Variants in AFAP1L1 observed in about 807,000 individuals in gnomAD.
AFAP1L1 encodes actin filament-associated protein 1-like 1.
A neutral mutation model predicts 99.8 loss-of-function variants in AFAP1L1; 77 were observed. That is an observed-to-expected ratio of 0.77 (90% CI 0.64 to 0.93). The LOEUF (loss-of-function observed/expected upper bound fraction) is 0.93. Ranked by LOEUF, AFAP1L1 falls within the 40% of genes least tolerant of loss-of-function variation. AFAP1L1 has a pLI of 0.00. For synonymous variants in AFAP1L1, 373 were observed against 395.3 expected, an observed-to-expected ratio of 0.94 and a Z score of 0.67; for missense variants, 893 against 996.8, an observed-to-expected ratio of 0.90 and a Z score of 1.40.
At position 149,307,482 on chromosome 5, in the gene AFAP1L1, C is replaced by A; in HGVS notation, c.616C>A (p.His206Asn). The change falls in exon 7 of 19, where the codon CAC becomes AAC. Residue 206 changes from histidine to asparagine, a missense_variant. Coordinates refer to ENST00000296721, the MANE Select transcript of AFAP1L1 (RefSeq NM_152406.4). ...EEEGKSPQPR[H>N]QWPSEEASMH... ...GGAAGGGAAGAGCCCGCAGCCCCGA[C>A]ACCAGTGGCCCTCAGAGGAGGCCTC... 1.2e-6 allele frequency: 2 copies of A among 1,614,178 alleles called. No homozygotes were observed. The highest frequency in any genetic ancestry group is 3.3e-5 in the Admixed American group (2 of 60,026).
intron 1 of AFAP1L1, among the ~76,000 whole-genome samples, chr5:149,285,969 AAGTC>A (rs949404065): frequency 5.9e-5 from 9 of 152,112 alleles, no homozygotes; most frequent in African/African-American, 2.2e-4. Context: ...GGCAGATACT[AAGTC>A]AGGCATCATC....
chr5:149,301,440 A>C (rs891907906), intron 4 of AFAP1L1, among the ~76,000 whole-genome samples: 2 of 151,524 alleles, frequency 1.3e-5, no homozygotes, highest in Non-Finnish European at 2.9e-5. Flanking sequence ...ATTTATTTTT[A>C]TTTTTATTCT....
intron 4 of AFAP1L1, among the ~76,000 whole-genome samples, chr5:149,302,086 G>A (rs1206563551): frequency 1.3e-5 from 2 of 152,314 alleles, no homozygotes; most frequent in African/African-American, 2.4e-5. Context: ...ACTGCACCTC[G>A]TGTGTGTGTA....
chr5:149,318,070 T>G, intron 12 of AFAP1L1, 130 bp downstream of exon 12: 1 of 1,062,228 alleles, frequency 9.4e-7, no homozygotes, highest in Non-Finnish European at 1.3e-6. Context: ...CAAGCCTCAC[T>G]CCTGTCAGGT....
chr5:149,322,729 G>A lies in AFAP1L1; in HGVS notation c.1810+12G>A. ...ACGCCACGCCTCCAGTGAGTTGTGT[G>A]TGGGCCTCCCCTGCTGACTAGGGAG... is the stretch of plus-strand genomic sequence containing the variant. On this transcript the variant is annotated intron_variant, in intron 15 of 18. Coordinates refer to ENST00000296721, the MANE Select transcript of AFAP1L1 (RefSeq NM_152406.4). 1 of 1,566,730 alleles carries A rather than the reference G, an allele frequency of 6.4e-7. No individual in the cohort carries two copies. Among genetic ancestry groups the A allele is most frequent in the Non-Finnish European group, 8.7e-7 (1 of 1,153,710 alleles).
In AFAP1L1 at chr5:149,319,570, C is replaced by T. The variant is rs749556799; in HGVS notation, c.1480-12C>T. The T allele has an allele frequency of 2.5e-5, 40 of 1,590,858 alleles. No homozygotes were observed. Among genetic ancestry groups the T allele is most frequent in the Non-Finnish European group, 3.3e-5 (39 of 1,165,560 alleles). Reference sequence around the variant, plus strand: ...AGGAAAATGAACTCCATCTTTGCCTCCTGTCCTTCAGGCAAGCTGTTCAGA... The same window carrying T: ...AGGAAAATGAACTCCATCTTTGCCTTCTGTCCTTCAGGCAAGCTGTTCAGA... On this transcript the variant is annotated splice_polypyrimidine_tract_variant and intron_variant, in intron 12 of 18. Coordinates refer to ENST00000296721, the MANE Select transcript of AFAP1L1 (RefSeq NM_152406.4).
chr5:149,310,028 C>T lies in AFAP1L1; in HGVS notation c.820C>T (p.Pro274Ser), dbSNP rs772429268. 3 of 1,614,222 alleles carry T rather than the reference C, an allele frequency of 1.9e-6. No individual in the cohort carries two copies. The South Asian group carries it at 3.3e-5, about 18-fold the overall frequency. Residue 274 changes from proline (P) to serine (S), a missense_variant, in exon 8 of 19, where the codon CCC (proline) becomes TCC (serine). Pro to Ser is a moderately conservative substitution (Grantham distance 74, BLOSUM62 -1). Coordinates refer to ENST00000296721, the MANE Select transcript of AFAP1L1 (RefSeq NM_152406.4). ...ALDTCSIIYV[P>S]KDSRHKRHEL... ...GGATACCTGCAGCATCATCTACGTG[C>T]CCAAGGACAGCCGGCACAAGAGGCA...
chr5:149,330,528 C>T (rs996923469), intron 16 of AFAP1L1, among the ~76,000 whole-genome samples: 2 of 152,190 alleles, frequency 1.3e-5, no homozygotes, highest in Non-Finnish European at 2.9e-5. Flanking sequence ...TTCAGGAGCT[C>T]ATGTGGCTGC....
intron 18 of AFAP1L1, 115 bp from the exon 19 acceptor site, chr5:149,339,892 C>A: frequency 9.1e-7 from 1 of 1,101,026 alleles, no homozygotes; most frequent in South Asian, 1.5e-5. Context: ...GGGTTAGAAC[C>A]CAACGCAACC....
intron 1 of AFAP1L1, among the ~76,000 whole-genome samples, chr5:149,278,749 ACTAATTGT>A (rs1383563570): frequency 6.6e-6 from 1 of 152,196 alleles, no homozygotes; most frequent in Non-Finnish European, 1.5e-5. Flanking sequence ...GTAGGTGCTT[ACTAATTGT>A]TATTTCCCAT....
chr5:149,297,810 T>C (rs1756065828), intron 1 of AFAP1L1, among the ~76,000 whole-genome samples: 1 of 152,202 alleles, frequency 6.6e-6, no homozygotes, highest in African/African-American at 2.4e-5. Flanking sequence ...CCACGCCTGC[T>C]AGAGCCTCAC....
At chr5:149,273,897 A>G (rs1229019610) in intron 1 of AFAP1L1, among the ~76,000 whole-genome samples, 1 of 151,974 alleles carries the variant, frequency 6.6e-6, no homozygotes, top group African/African-American at 2.4e-5. Context: ...AGGCCTGTGG[A>G]AAGTGCACTG....
At chr5:149,312,427 G>A in intron 9 of AFAP1L1, 2 of 590,486 alleles carry the variant, frequency 3.4e-6, no homozygotes, top group South Asian at 3.7e-5. Context: ...ACAAGCCAGA[G>A]GAGGGAGTGA....
At chr5:149,339,350 C>T (rs778574112) in intron 18 of AFAP1L1, among the ~76,000 whole-genome samples, 1 of 151,908 alleles carries the variant, frequency 6.6e-6, no homozygotes, top group African/African-American at 2.4e-5. Context: ...ACACCACACT[C>T]GGCTAATTTT....
chr5:149,314,229 C>T (rs1204759454), intron 9 of AFAP1L1, among the ~76,000 whole-genome samples: 1 of 152,156 alleles, frequency 6.6e-6, no homozygotes, highest in Non-Finnish European at 1.5e-5. Context: ...CCTCACTTAG[C>T]CTTTGCCATT....
intron 8 of AFAP1L1, 53 bp from the exon 9 acceptor site, chr5:149,312,059 T>C: frequency 6.5e-7 from 1 of 1,532,174 alleles, no homozygotes; most frequent in Non-Finnish European, 9.0e-7. Flanking sequence ...ATTCTTCCTT[T>C]GCATCAACAG....
At chr5:149,304,856 C>G (rs995274275) in intron 5 of AFAP1L1, among the ~76,000 whole-genome samples, 1 of 152,222 alleles carries the variant, frequency 6.6e-6, no homozygotes, top group Non-Finnish European at 1.5e-5. Flanking sequence ...TCAGTGCTGC[C>G]GTCTTCAGGA....
intron 12 of AFAP1L1, among the ~76,000 whole-genome samples, chr5:149,318,743 T>C (rs986094285): frequency 1.3e-5 from 2 of 152,180 alleles, no homozygotes; most frequent in Non-Finnish European, 2.9e-5. Flanking sequence ...ATTTAGAATT[T>C]AAAATGTTAA....
rs546609568 is a variant in AFAP1L1 at position 149,335,452 on chromosome 5, C to T, written c.2155-142C>T. The T allele has an allele frequency of 3.7e-5, 41 of 1,115,746 alleles. No homozygotes were observed. In the South Asian group the frequency reaches 5.5e-4, roughly 15 times the overall value. 69.1% of individuals were successfully genotyped at this position (1,115,746 alleles called of 1,614,324 possible). The stretch of plus-strand genomic sequence containing the variant: ...GCAGTGAGCCAAGCTCGTGCCACTG[C>T]GCTCCCGCCTGGGTGACAGAGACTC... On this transcript the variant is annotated intron_variant, in intron 17 of 18. Coordinates refer to ENST00000296721, the MANE Select transcript of AFAP1L1 (RefSeq NM_152406.4).
Sources: allele counts gnomAD v4.1 joint callset (sites outside exome capture counted in the v4.1 genomes callset), GRCh38; gene constraint gnomAD v4.1.1; transcripts MANE v1.5; gene names NCBI Gene and HGNC (gene_info 2026-07-23, HGNC 2026-07-21).